The following BMAL1 variants were observed in gnomAD, a reference collection of about 807,000 sequenced individuals.
BMAL1 encodes the protein basic helix-loop-helix ARNT-like protein 1.
the BMAL1 span, among the ~76,000 whole-genome samples, chr11:13,280,775 C>T: frequency 6.6e-6 from 1 of 152,184 alleles, no homozygotes; most frequent in East Asian, 1.9e-4. Context: ...ATAAGACCTG[C>T]TCTGACTCAA....
the BMAL1 span, among the ~76,000 whole-genome samples, chr11:13,351,118 G>A: frequency 6.6e-6 from 1 of 152,186 alleles, no homozygotes. Flanking sequence ...ACATTACGTA[G>A]GTGGCTGGGC....
At chr11:13,365,458 T>C in the BMAL1 span, 1 of 1,559,922 alleles carries the variant, frequency 6.4e-7, no homozygotes, top group South Asian at 1.1e-5. Context: ...AAATTATGTT[T>C]CCTACAGTAT....
chr11:13,372,878 TAC>T, the BMAL1 span, among the ~76,000 whole-genome samples: 2 of 152,122 alleles, frequency 1.3e-5, no homozygotes, highest in Non-Finnish European at 2.9e-5. Flanking sequence ...TCATCATAAA[TAC>T]AGAGATTTTT....
chr11:13,321,572 A>AT, the BMAL1 span, among the ~76,000 whole-genome samples: 1 of 152,166 alleles, frequency 6.6e-6, no homozygotes, highest in Admixed American at 6.5e-5. Context: ...TTGTCTGAAC[A>AT]TATGAGAACA....
the BMAL1 span, among the ~76,000 whole-genome samples, chr11:13,293,140 C>T: frequency 6.6e-6 from 1 of 152,146 alleles, no homozygotes; most frequent in African/African-American, 2.4e-5. Flanking sequence ...CACACAGAAA[C>T]CAGGGCATGT....
At chr11:13,327,739 CAA>C in the BMAL1 span, among the ~76,000 whole-genome samples, 1 of 152,120 alleles carries the variant, frequency 6.6e-6, no homozygotes, top group Non-Finnish European at 1.5e-5. Flanking sequence ...CTAAATGAAA[CAA>C]GAGTGGCAAC....
At chr11:13,324,773 TG>T in the BMAL1 span, among the ~76,000 whole-genome samples, 1 of 152,326 alleles carries the variant, frequency 6.6e-6, no homozygotes, top group East Asian at 1.9e-4. Context: ...GGTGGGTGGA[TG>T]GACAAATGAC....
the BMAL1 span, among the ~76,000 whole-genome samples, chr11:13,344,472 C>T: frequency 6.6e-6 from 1 of 152,182 alleles, no homozygotes; most frequent in African/African-American, 2.4e-5. Context: ...TTAAAACACT[C>T]GTCTTTCTAA....
At chr11:13,353,080 TG>T in the BMAL1 span, 1 of 152,228 alleles carries the variant, frequency 6.6e-6, no homozygotes, top group Non-Finnish European at 1.5e-5. Context: ...ATGCTGACAG[TG>T]GGGGGAAAAC....
At chr11:13,348,760 C>T in the BMAL1 span, among the ~76,000 whole-genome samples, 9 of 152,256 alleles carry the variant, frequency 5.9e-5, no homozygotes, top group East Asian at 1.5e-3. Context: ...TTAACAGAAT[C>T]GGACAGTGAG....
At chr11:13,287,358 G>A in the BMAL1 span, among the ~76,000 whole-genome samples, 1 of 152,136 alleles carries the variant, frequency 6.6e-6, no homozygotes, top group Non-Finnish European at 1.5e-5. Flanking sequence ...GGCATAGCGA[G>A]GAGTTGGTAC....
At chr11:13,372,407 G>C in the BMAL1 span, 12 of 1,614,176 alleles carry the variant, frequency 7.4e-6, no homozygotes, top group Non-Finnish European at 9.3e-6. Context: ...TTGTAGACCA[G>C]AGGTAAGAGT....
the BMAL1 span, among the ~76,000 whole-genome samples, chr11:13,340,321 G>T: frequency 6.6e-6 from 1 of 152,114 alleles, no homozygotes; most frequent in Non-Finnish European, 1.5e-5. Flanking sequence ...CACCCTGCTG[G>T]GTTCCGCTTT....
chr11:13,386,617 T>C, the BMAL1 span: 21 of 1,613,918 alleles, frequency 1.3e-5, no homozygotes, highest in East Asian at 4.5e-5. Flanking sequence ...CACATAGGTA[T>C]AGACATGATT....
the BMAL1 span, among the ~76,000 whole-genome samples, chr11:13,287,615 G>A: frequency 6.6e-6 from 1 of 152,192 alleles, no homozygotes; most frequent in South Asian, 2.1e-4. Flanking sequence ...GGCTTATGAG[G>A]TTGGTCTTGC....
the BMAL1 span, among the ~76,000 whole-genome samples, chr11:13,347,354 C>G: frequency 6.6e-6 from 1 of 152,128 alleles, no homozygotes; most frequent in Non-Finnish European, 1.5e-5. Flanking sequence ...GCACCCTAAC[C>G]TGGGCAACAG....
the BMAL1 span, chr11:13,354,310 T>C: frequency 1.3e-6 from 2 of 1,510,236 alleles, no homozygotes; most frequent in South Asian, 1.1e-5. Flanking sequence ...GATCATCCAA[T>C]GGCAGACCAG....
At chr11:13,329,256 A>AC in the BMAL1 span, among the ~76,000 whole-genome samples, 14 of 151,690 alleles carry the variant, frequency 9.2e-5, no homozygotes, top group South Asian at 1.0e-3. Context: ...ATGCTTTGTG[A>AC]CCCCCCCGGT....
chr11:13,281,188 C>T, the BMAL1 span, among the ~76,000 whole-genome samples: 2 of 152,116 alleles, frequency 1.3e-5, no homozygotes, highest in Non-Finnish European at 2.9e-5. Context: ...CCTTAGTCTC[C>T]CCTGCCCCAC....
Sources: gnomAD v4.1 joint callset for allele counts (sites outside exome capture counted in the v4.1 genomes callset) on GRCh38, gnomAD v4.1.1 for gene constraint, MANE v1.5 for transcripts, NCBI Gene and HGNC (gene_info 2026-07-23, HGNC 2026-07-21) for gene names.